Variants in MACO1 observed in about 807,000 individuals in gnomAD.
The protein encoded by MACO1 is macoilin.
In MACO1, 14 loss-of-function variants were observed where a neutral mutation model predicts 78.7. The ratio of observed to expected loss-of-function variants is 0.18; its 90% CI spans 0.12 to 0.28. MACO1 has a LOEUF of 0.28. MACO1 is among the 10% of genes least tolerant of loss of function. MACO1 has a pLI of 1.00. For synonymous variants in MACO1, 288 were observed against 291.6 expected (o/e 0.99, Z 0.12); for missense variants, 501 against 799.0 (o/e 0.63, Z 4.50).
chr1:25,498,729 A>T lies in MACO1; in HGVS notation c.*263A>T. The stretch of plus-strand genomic sequence containing the variant: ...ACATTAAAACCATTCTTGGATTTCA[A>T]GTAGCCAACTTTGCCTTTTATGTAT... On this transcript the variant is annotated 3_prime_UTR_variant, in exon 11 of 11. Coordinates refer to ENST00000374343, the MANE Select transcript of MACO1 (RefSeq NM_018202.6). 1 of 371,672 alleles carries T rather than the reference A, an allele frequency of 2.7e-6. No homozygotes were observed. The highest frequency in any genetic ancestry group is 4.2e-5 in the Admixed American group (1 of 23,592). The allele number at this position is 371,672 out of a possible 1,614,324, so 23.0% of individuals were successfully genotyped here. A position where few individuals can be genotyped will look rare whatever the true frequency, so the allele number is the denominator to read the frequency against.
rs776716811 is a variant in MACO1 at position 25,446,878 on chromosome 1, A to G, written c.197A>G (p.Tyr66Cys). The G allele has an allele frequency of 5.0e-6, 8 of 1,613,436 alleles. No individual in the cohort carries two copies. The highest frequency in any genetic ancestry group is 1.3e-5 in the African/African-American group (1 of 74,910). Residue 66 changes from tyrosine (Y) to cysteine (C), a missense_variant, in exon 2 of 11, where the codon TAT becomes TGT. By Grantham distance (194) the Tyr-to-Cys change is radical. This residue lies in a region of MACO1 where 171 missense variants were observed against 292.1 expected (regional missense o/e 0.59). Coordinates refer to ENST00000374343, the MANE Select transcript of MACO1 (RefSeq NM_018202.6). Reference protein sequence around the residue: ...WPFWLFIRSVYDSFRYQGLAF... With the variant: ...WPFWLFIRSVCDSFRYQGLAF... ...TTCTGGCTTTTCATCAGAAGCGTCT[A>G]TGATTCCTTCAGATACCAGGGACTG...
rs146165076 is a variant in MACO1 at position 25,471,379 on chromosome 1, A to G, written c.1154+12487A>G. 7.2e-5 allele frequency among the ~76,000 whole-genome samples: 11 copies of G among 152,100 alleles called. No individual in the cohort carries two copies. In the East Asian group the frequency reaches 1.7e-3, roughly 24 times the overall value. On this transcript the variant is annotated intron_variant, in intron 6 of 10. Coordinates refer to ENST00000374343, the MANE Select transcript of MACO1 (RefSeq NM_018202.6). ...AAGAAAGAAAGAAAAATATGGGTAGATATATTTCTCATGTGCACAGAAAAT... is the reference window on the plus strand; with the variant it reads ...AAGAAAGAAAGAAAAATATGGGTAGGTATATTTCTCATGTGCACAGAAAAT...
At chr1:25,445,427 A>G (rs2043007451) in intron 1 of MACO1, among the ~76,000 whole-genome samples, 1 of 152,192 alleles carries the variant, frequency 6.6e-6, no homozygotes, top group Non-Finnish European at 1.5e-5. Flanking sequence ...TCGACCCTAG[A>G]TGACAAATTA....
chr1:25,462,347 C>G (rs982043316), intron 6 of MACO1, among the ~76,000 whole-genome samples: 1 of 151,900 alleles, frequency 6.6e-6, no homozygotes, highest in Non-Finnish European at 1.5e-5. Flanking sequence ...AGGTTTGTTG[C>G]AAGGGCATAT....
chr1:25,448,074 T>C (rs2043031516), intron 2 of MACO1, among the ~76,000 whole-genome samples: 2 of 152,188 alleles, frequency 1.3e-5, no homozygotes, highest in South Asian at 2.1e-4. Context: ...TTACTAATAT[T>C]ATGGTTCATC....
At chr1:25,443,932 C>T (rs2042993121) in intron 1 of MACO1, among the ~76,000 whole-genome samples, 2 of 146,370 alleles carry the variant, frequency 1.4e-5, no homozygotes, top group Admixed American at 6.9e-5. Flanking sequence ...AATATATTTC[C>T]ATGCCCTTTT....
chr1:25,448,615 T>C (rs868340317), intron 2 of MACO1, among the ~76,000 whole-genome samples, 193 bp from the exon 3 acceptor site: 4 of 152,248 alleles, frequency 2.6e-5, no homozygotes, highest in African/African-American at 9.6e-5. Flanking sequence ...TATTCTTTAA[T>C]GTTAAAGTAA....
At chr1:25,491,072 G>A (rs370309520) in intron 9 of MACO1, among the ~76,000 whole-genome samples, 11 of 152,272 alleles carry the variant, frequency 7.2e-5, no homozygotes, top group East Asian at 1.9e-4. Context: ...TGGCAAGTTC[G>A]ATTACAGCAT....
chr1:25,448,402 T>G (rs1287214430), intron 2 of MACO1, among the ~76,000 whole-genome samples: 1 of 151,954 alleles, frequency 6.6e-6, no homozygotes, highest in Non-Finnish European at 1.5e-5. Flanking sequence ...AGGTGGAGGT[T>G]GCAGTGAGCC....
chr1:25,480,929 A>AAAATAT (rs1553166539), intron 6 of MACO1, among the ~76,000 whole-genome samples: 26 of 47,874 alleles, frequency 5.4e-4, no homozygotes, highest in South Asian at 1.9e-3. Flanking sequence ...AAAAAAAAAA[A>AAAATAT]ATATATATAT....
rs761512031 is a variant in MACO1 at position 25,434,060 on chromosome 1, T to C, written c.80+2882T>C. Among the ~76,000 whole-genome samples the C allele has an allele frequency of 3.2e-4, 49 of 152,364 alleles. 1 individual carries two copies. Among genetic ancestry groups the C allele is most frequent in the Non-Finnish European group, 6.5e-4 (44 of 68,032 alleles). On this transcript the variant is annotated intron_variant, in intron 1 of 10. Coordinates refer to ENST00000374343, the MANE Select transcript of MACO1 (RefSeq NM_018202.6). ...TTACTGAGGTGACTGTCAAATGATA[T>C]CATTTATTGTGAGTATCATGGCTGT...
In MACO1 at chr1:25,484,279, G is replaced by A. The variant is rs2043408471; in HGVS notation, c.1313+5G>A. ...GAACGAGCTGCTGCAGAACAAGTACGTGCACCTTTCAGGCCTTTGGCCGTA... is the reference window on the plus strand; with the variant it reads ...GAACGAGCTGCTGCAGAACAAGTACATGCACCTTTCAGGCCTTTGGCCGTA... On this transcript the variant is annotated splice_donor_5th_base_variant and intron_variant, in intron 7 of 10. Coordinates refer to ENST00000374343, the MANE Select transcript of MACO1 (RefSeq NM_018202.6). The A allele has an allele frequency of 1.2e-6, 2 of 1,601,692 alleles. No homozygotes were observed. The highest frequency in any genetic ancestry group is 1.7e-6 in the Non-Finnish European group (2 of 1,175,696).
At chr1:25,470,959 C>T (rs1194195321) in intron 6 of MACO1, among the ~76,000 whole-genome samples, 1 of 151,906 alleles carries the variant, frequency 6.6e-6, no homozygotes, top group African/African-American at 2.4e-5. Context: ...ACCTGGGAGT[C>T]AGAGGTTGCA....
At chr1:25,476,649 C>T (rs2043323669) in intron 6 of MACO1, among the ~76,000 whole-genome samples, 1 of 152,190 alleles carries the variant, frequency 6.6e-6, no homozygotes, top group South Asian at 2.1e-4. Context: ...TTTATGAGCT[C>T]AACTTTCTGC....
At chr1:25,494,761 G>A (rs1289335910) in intron 10 of MACO1, among the ~76,000 whole-genome samples, 3 of 152,164 alleles carry the variant, frequency 2.0e-5, no homozygotes, top group African/African-American at 7.2e-5. Context: ...GGAAGGGAGA[G>A]CAGAACAGAT....
intron 8 of MACO1, among the ~76,000 whole-genome samples, chr1:25,488,786 AC>A (rs1186954198): frequency 6.6e-6 from 1 of 151,652 alleles, no homozygotes; most frequent in Non-Finnish European, 1.5e-5. Flanking sequence ...CACTCGGCCA[AC>A]CTATAGTCTT....
intron 10 of MACO1, among the ~76,000 whole-genome samples, chr1:25,496,977 GA>G (rs1244367942): frequency 6.6e-6 from 1 of 152,216 alleles, no homozygotes; most frequent in Non-Finnish European, 1.5e-5. Flanking sequence ...TCGTAAGAAA[GA>G]AATGAGTTAG....
intron 6 of MACO1, among the ~76,000 whole-genome samples, chr1:25,460,143 G>A (rs1041594613): frequency 8.5e-5 from 13 of 152,146 alleles, no homozygotes; most frequent in Non-Finnish European, 1.9e-4. Flanking sequence ...ACTAATACAG[G>A]CTCTAGAGGT....
intron 8 of MACO1, among the ~76,000 whole-genome samples, chr1:25,487,284 G>A (rs965517550): frequency 2.6e-5 from 4 of 152,144 alleles, no homozygotes; most frequent in Non-Finnish European, 5.9e-5. Context: ...CTCCCAAGTA[G>A]CTGGGATTAC....
Sources: gnomAD v4.1 joint callset for allele counts (sites outside exome capture counted in the v4.1 genomes callset) on GRCh38, gnomAD v4.1.1 for gene constraint, gnomAD v4.1.1 regional missense constraint, MANE v1.5 for transcripts, NCBI Gene and HGNC (gene_info 2026-07-23, HGNC 2026-07-21) for gene names.